ERC1: variants seen among roughly 807,000 people sequenced by gnomAD.
ERC1 encodes RAB6 interacting protein 2.
In ERC1, 56 loss-of-function variants were observed where a neutral mutation model predicts 132.0. That is an observed-to-expected ratio of 0.42 (90% CI 0.34 to 0.53). The LOEUF (loss-of-function observed/expected upper bound fraction) is 0.53, where lower values mean the gene tolerates loss of function less well. Among genes scored for constraint, ERC1 ranks in the 20% least tolerant of loss-of-function variants. ERC1 has a pLI of 0.03. For synonymous variants in ERC1, 478 were observed against 476.1 expected (o/e 1.00, Z -0.05); for missense variants, 1,202 against 1,349.9 (o/e 0.89, Z 1.72).
intron 7 of ERC1, among the ~76,000 whole-genome samples, chr12:1,129,579 A>C (rs10744534): frequency 2.0e-5 from 3 of 152,076 alleles, no homozygotes; most frequent in Admixed American, 2.0e-4. Context: ...GTAAAGGATT[A>C]ACAATTAGGC....
At chr12:1,068,036 A>T (rs1345354086) in intron 2 of ERC1, among the ~76,000 whole-genome samples, 2 of 146,718 alleles carry the variant, frequency 1.4e-5, no homozygotes, top group East Asian at 4.1e-4. Context: ...AGTTCAAGTG[A>T]TTCTCCTGCC....
chr12:1,493,542 AAAAAAAATAT>A lies in ERC1; in HGVS notation c.*3314_*3323del, dbSNP rs1235027831. The A allele has an allele frequency of 0.061, 1,438 of 23,418 alleles. 44 individuals carry two copies. Among genetic ancestry groups the A allele is most frequent in the Admixed American group, 0.24 (503 of 2,108 alleles). 1.5% of individuals were successfully genotyped at this position (23,418 alleles called of 1,614,324 possible). A position where few individuals can be genotyped will look rare whatever the true frequency, so the allele number is the denominator to read the frequency against. Reference sequence around the variant, plus strand: ...ACAGAGACTCCATTTAAAAAAAAAAAAAAAAAATATATATATATATATATATATATATATA... The same window carrying A: ...ACAGAGACTCCATTTAAAAAAAAAAAATATATATATATATATATATATATA... On this transcript the variant is annotated 3_prime_UTR_variant, in exon 19 of 19. Transcript: ENST00000360905.
intron 8 of ERC1, among the ~76,000 whole-genome samples, chr12:1,142,157 A>G (rs552260662): frequency 1.3e-5 from 2 of 152,332 alleles, no homozygotes; most frequent in South Asian, 4.1e-4. Flanking sequence ...GTGTTTAATA[A>G]GATGACAATT....
intron 16 of ERC1, among the ~76,000 whole-genome samples, chr12:1,388,095 C>T (rs1019793676): frequency 1.3e-5 from 2 of 152,110 alleles, no homozygotes; most frequent in African/African-American, 4.8e-5. Flanking sequence ...GGCGTGGTGG[C>T]TCACGCTTGT....
chr12:1,038,507 C>T (rs1234884588), intron 2 of ERC1, among the ~76,000 whole-genome samples: 2 of 152,016 alleles, frequency 1.3e-5, no homozygotes, highest in East Asian at 3.9e-4. Context: ...ATTACAGGCA[C>T]ACGCCACCAT....
At chr12:1,112,573 G>A (rs888299211) in intron 6 of ERC1, among the ~76,000 whole-genome samples, 1 of 152,198 alleles carries the variant, frequency 6.6e-6, no homozygotes, top group South Asian at 2.1e-4. Context: ...GTATTTCAAA[G>A]CCTGTTTCTT....
At chr12:1,145,312 C>T (rs1950252004) in intron 8 of ERC1, among the ~76,000 whole-genome samples, 1 of 152,174 alleles carries the variant, frequency 6.6e-6, no homozygotes, top group Non-Finnish European at 1.5e-5. Context: ...CCACCGCACC[C>T]AGCCCTTGTT....
chr12:1,286,590 T>C, intron 14 of ERC1, among the ~76,000 whole-genome samples: 1 of 152,130 alleles, frequency 6.6e-6, no homozygotes, highest in Non-Finnish European at 1.5e-5. Context: ...CATTCTAGAT[T>C]ATGCAGCATG....
intron 15 of ERC1, among the ~76,000 whole-genome samples, chr12:1,292,395 G>A (rs2079518800): frequency 6.6e-6 from 1 of 152,038 alleles, no homozygotes; most frequent in Non-Finnish European, 1.5e-5. Context: ...TACTCATTGG[G>A]AGCTTAAAAA....
rs141533065 is a variant in ERC1, at chr12:1,377,499, A to G, written c.2925+5522A>G. On this transcript the variant is annotated intron_variant, in intron 16 of 18. Coordinates refer to ENST00000360905, the MANE Select transcript of ERC1 (RefSeq NM_178040.4). ...ACACGATTCAATGCTCTGTCCACAT[A>G]TCCCACTCAGAAACAATTTGTCCTA... is the stretch of plus-strand genomic sequence containing the variant. 4.3e-4 allele frequency among the ~76,000 whole-genome samples: 66 copies of G among 152,362 alleles called. No individual in the cohort carries two copies. The East Asian group carries it at 0.01, about 24-fold the overall frequency.
At chr12:1,461,306 T>C (rs1237900072) in intron 18 of ERC1, among the ~76,000 whole-genome samples, 1 of 152,178 alleles carries the variant, frequency 6.6e-6, no homozygotes, top group South Asian at 2.1e-4. Flanking sequence ...TTTTTGAAAG[T>C]GCAGCTTTCG....
intron 3 of ERC1, among the ~76,000 whole-genome samples, chr12:1,094,512 G>C (rs1008534863): frequency 1.3e-5 from 2 of 151,318 alleles, no homozygotes; most frequent in South Asian, 2.1e-4. Flanking sequence ...CTGGGTTCAA[G>C]TGATTCTCCT....
chr12:1,184,737 T>C (rs115189743), intron 11 of ERC1, among the ~76,000 whole-genome samples: 315 of 152,348 alleles, frequency 2.1e-3, no homozygotes, highest in African/African-American at 7.3e-3. Context: ...TTTTGAGATA[T>C]CAGATTTTTT....
In ERC1 at chr12:1,306,117, G is replaced by A. The variant is rs79983145; in HGVS notation, c.2780+16105G>A. Among the ~76,000 whole-genome samples the A allele has an allele frequency of 5.7e-4, 87 of 152,180 alleles. 1 individual carries two copies. Among genetic ancestry groups the A allele is most frequent in the African/African-American group, 2.1e-3 (87 of 41,514 alleles). On this transcript the variant is annotated intron_variant, in intron 15 of 18. Transcript: ENST00000360905. ...ATACTTTAAAGAAAAAAAAACCTTC[G>A]GTTCTCAGCCTGCTCATGACATCCA... is the stretch of plus-strand genomic sequence containing the variant.
chr12:1,466,807 G>A (rs938420120), intron 18 of ERC1, among the ~76,000 whole-genome samples: 1 of 152,130 alleles, frequency 6.6e-6, no homozygotes, highest in African/African-American at 2.4e-5. Context: ...ATATGAAGTA[G>A]GTGCTTGTTT....
intron 13 of ERC1, among the ~76,000 whole-genome samples, chr12:1,237,666 G>C (rs923344959): frequency 6.6e-6 from 1 of 152,322 alleles, no homozygotes; most frequent in African/African-American, 2.4e-5. Context: ...AATGCACACA[G>C]CTTCTAAATG....
intron 13 of ERC1, among the ~76,000 whole-genome samples, chr12:1,242,731 C>T (rs2075889333): frequency 6.6e-6 from 1 of 152,118 alleles, no homozygotes; most frequent in Non-Finnish European, 1.5e-5. Flanking sequence ...ACAGTGGGTC[C>T]TCCATATCCA....
chr12:1,359,247 T>G (rs1469379196), intron 15 of ERC1, among the ~76,000 whole-genome samples: 1 of 152,188 alleles, frequency 6.6e-6, no homozygotes, highest in Non-Finnish European at 1.5e-5. Context: ...AAACATATTT[T>G]CTTTACGAGT....
At chr12:1,104,466 G>T (rs995200446) in intron 3 of ERC1, among the ~76,000 whole-genome samples, 1 of 152,204 alleles carries the variant, frequency 6.6e-6, no homozygotes, top group Admixed American at 6.5e-5. Context: ...ACAACCTGAG[G>T]ATGTGAAATC....
Sources: allele counts gnomAD v4.1 joint callset (sites outside exome capture counted in the v4.1 genomes callset), GRCh38; gene constraint gnomAD v4.1.1; transcripts MANE v1.5; gene names NCBI Gene and HGNC (gene_info 2026-07-23, HGNC 2026-07-21).